The following SLC25A29 variants were observed in gnomAD, a reference collection of about 807,000 sequenced individuals.
The protein encoded by SLC25A29 is mitochondrial basic amino acids transporter.
In SLC25A29, 13 loss-of-function variants were observed where a neutral mutation model predicts 10.0. The observed-to-expected ratio is 1.30, with a 90% CI of 0.85 to 2.07. The LOEUF is 2.07. Among genes scored for constraint, SLC25A29 ranks in the 30% most tolerant of loss-of-function variants. The probability of loss-of-function intolerance (pLI) is 0.00; values close to 1 mark genes in which losing one functional copy is unlikely to be tolerated. For synonymous variants in SLC25A29, 244 were observed against 221.1 expected (o/e 1.10, Z -0.92); for missense variants, 475 against 447.6 (o/e 1.06, Z -0.55).
downstream of SLC25A29, among the ~76,000 whole-genome samples, chr14:100,290,557 G>A (rs1454024037): frequency 6.6e-6 from 1 of 152,256 alleles, no homozygotes; most frequent in Non-Finnish European, 1.5e-5. Context: ...AAAGCCTCCA[G>A]GGCTGGTGGC....
At chr14:100,298,639 G>A (rs1892331977) in intron 2 of SLC25A29, 1 of 660,160 alleles carries the variant, frequency 1.5e-6, no homozygotes, top group East Asian at 2.8e-5. Flanking sequence ...AGCCCAGGAT[G>A]GACTTGGCCA....
At chr14:100,303,202 C>A (rs1175992845) in intron 1 of SLC25A29, among the ~76,000 whole-genome samples, 2 of 152,238 alleles carry the variant, frequency 1.3e-5, no homozygotes, top group Admixed American at 1.3e-4. Flanking sequence ...CGTTCTAGAA[C>A]CTCTTTTCTT....
chr14:100,299,298 G>C, intron 1 of SLC25A29: 1 of 1,030,764 alleles, frequency 9.7e-7, no homozygotes, highest in Non-Finnish European at 1.2e-6. Flanking sequence ...ACCCTCCCCA[G>C]ATTTGAATTT....
Position 100,296,004 on chromosome 14 carries a change from A to T in SLC25A29, c.79-2627T>A, listed in dbSNP as rs74674453. On this transcript the variant is annotated intron_variant, in intron 2 of 3. Coordinates refer to ENST00000359232, the MANE Select transcript of SLC25A29 (RefSeq NM_001039355.3). ...TTCAGTCCCAAGGGCCTGGGGGAAT[A>T]AACTGTGACTGTCCCAGCCATGAGA... 877 of 1,289,134 alleles carry T rather than the reference A, an allele frequency of 6.8e-4. 6 individuals are homozygous for T. In the African/African-American group the frequency reaches 0.013, roughly 18 times the overall value. The allele number at this position is 1,289,134 out of a possible 1,614,324, so 79.9% of individuals were successfully genotyped here. A position where few individuals can be genotyped will look rare whatever the true frequency, so the allele number is the denominator to read the frequency against.
intron 1 of SLC25A29, among the ~76,000 whole-genome samples, chr14:100,300,338 T>C (rs1361732424): frequency 6.6e-6 from 1 of 152,246 alleles, no homozygotes; most frequent in Non-Finnish European, 1.5e-5. Flanking sequence ...TTCTGCTTTC[T>C]CTTTGGTTAC....
the SLC25A29 span, among the ~76,000 whole-genome samples, chr14:100,283,511 T>C: frequency 1.4e-5 from 2 of 145,226 alleles, no homozygotes; most frequent in Non-Finnish European, 3.0e-5. Flanking sequence ...TTAGATGGAG[T>C]ATTGCTGTGT....
At chr14:100,279,567 T>G in the SLC25A29 span, 3 of 152,284 alleles carry the variant, frequency 2.0e-5, no homozygotes, top group African/African-American at 7.2e-5. Flanking sequence ...CAGGCTTTGC[T>G]GTATCTGGCA....
downstream of SLC25A29, among the ~76,000 whole-genome samples, chr14:100,290,516 G>T (rs976002204): frequency 7.2e-5 from 11 of 152,256 alleles, no homozygotes; most frequent in Non-Finnish European, 1.3e-4. Context: ...TTGTCAGTGG[G>T]CAGAGCTTCT....
At position 100,292,578 on chromosome 14, in the gene SLC25A29, G is replaced by A; in HGVS notation, c.617C>T (p.Ser206Phe). 1 of 1,603,624 alleles carries A rather than the reference G, an allele frequency of 6.2e-7. No individual in the cohort carries two copies. The highest frequency in any genetic ancestry group is 8.5e-7 in the Non-Finnish European group (1 of 1,176,072). The stretch of plus-strand genomic sequence containing the variant: ...CTTGACCACGTCCACAGGATAGGTA[G>A]AGAGCCAGGACACGATGCCTGACGT... ...GGTSGIVSWL[S>F]TYPVDVVKSR... The change falls in exon 4 of 4, where the codon TCT becomes TTT. Residue 206 changes from serine to phenylalanine, a missense_variant. Ser to Phe is a radical substitution (Grantham distance 155). Transcript: ENST00000359232.
At chr14:100,299,401 C>T (rs1003402647) in intron 1 of SLC25A29, 1 of 997,104 alleles carries the variant, frequency 1.0e-6, no homozygotes, top group African/African-American at 1.7e-5. Context: ...ACCTCCCTCC[C>T]CCAGAGTGGC....
At chr14:100,286,990 C>A (rs1467630255), downstream of SLC25A29, among the ~76,000 whole-genome samples, 1 of 152,254 alleles carries the variant, frequency 6.6e-6, no homozygotes, top group Non-Finnish European at 1.5e-5. Context: ...CAGCACCGAC[C>A]TTGTATGGCT....
intron 2 of SLC25A29, 147 bp downstream of exon 2, chr14:100,298,695 A>C (rs1162328266): frequency 1.0e-6 from 1 of 992,796 alleles, no homozygotes; most frequent in East Asian, 2.5e-5. Flanking sequence ...TGCCAGGACA[A>C]AGCAGTGAGG....
At chr14:100,303,969 T>C (rs1242603706) in intron 1 of SLC25A29, among the ~76,000 whole-genome samples, 2 of 152,092 alleles carry the variant, frequency 1.3e-5, no homozygotes, top group Non-Finnish European at 2.9e-5. Flanking sequence ...AAGATTTGGG[T>C]TGATCCCCCA....
intron 1 of SLC25A29, 134 bp downstream of exon 1, chr14:100,306,065 A>C: frequency 5.2e-6 from 3 of 571,736 alleles, no homozygotes; most frequent in Non-Finnish European, 5.5e-6. Context: ...GCCCGAGGCA[A>C]GAGAACTGTG....
At chr14:100,301,901 C>G (rs1410836876) in intron 1 of SLC25A29, among the ~76,000 whole-genome samples, 1 of 152,120 alleles carries the variant, frequency 6.6e-6, no homozygotes, top group Non-Finnish European at 1.5e-5. Flanking sequence ...CCCACCCACC[C>G]CAGTAAGAGC....
chr14:100,302,614 C>A (rs1289354723), intron 1 of SLC25A29, among the ~76,000 whole-genome samples: 1 of 152,118 alleles, frequency 6.6e-6, no homozygotes, highest in Non-Finnish European at 1.5e-5. Flanking sequence ...CTCAGCCTCC[C>A]GAAGTGCTGG....
chr14:100,289,835 C>CAAAAAAAA (rs56694140), downstream of SLC25A29, among the ~76,000 whole-genome samples: 1 of 96,554 alleles, frequency 1.0e-5, no homozygotes, highest in Non-Finnish European at 1.9e-5. Flanking sequence ...GAGCAAGACT[C>CAAAAAAAA]AAAAAAAAAA....
At chr14:100,293,184 C>G in intron 3 of SLC25A29, 110 bp downstream of exon 3, 1 of 1,473,140 alleles carries the variant, frequency 6.8e-7, no homozygotes, top group Non-Finnish European at 9.1e-7. Context: ...GACTGGCCTC[C>G]TGGTCGTCCT....
chr14:100,280,227 G>A, the SLC25A29 span: 53 of 152,294 alleles, frequency 3.5e-4, no homozygotes, highest in African/African-American at 1.3e-3. Flanking sequence ...TGCTAACGAT[G>A]TAATTTACTA....
Sources: allele counts gnomAD v4.1 joint callset (sites outside exome capture counted in the v4.1 genomes callset), GRCh38; gene constraint gnomAD v4.1.1; transcripts MANE v1.5; gene names NCBI Gene and HGNC (gene_info 2026-07-23, HGNC 2026-07-21).